The following VPS13B variants were observed in gnomAD, a reference collection of about 807,000 sequenced individuals.
The protein encoded by VPS13B is intermembrane lipid transfer protein VPS13B.
Under a neutral mutation model 426.4 loss-of-function variants are expected in VPS13B, and 285 were observed. The ratio of observed to expected loss-of-function variants is 0.67; its 90% CI spans 0.61 to 0.74. The LOEUF is 0.74. Among genes scored for constraint, VPS13B ranks in the 30% least tolerant of loss-of-function variants. The probability of loss-of-function intolerance (pLI) is 0.00; values close to 1 mark genes in which losing one functional copy is unlikely to be tolerated. For synonymous variants in VPS13B, 1,676 were observed against 1,676.4 expected, an observed-to-expected ratio of 1.00 and a Z score of 0.01; for missense variants, 4,537 against 4,782.6, an observed-to-expected ratio of 0.95 and a Z score of 1.51.
At chr8:99,712,616 C>G (rs1832748753) in intron 36 of VPS13B, among the ~76,000 whole-genome samples, 1 of 152,100 alleles carries the variant, frequency 6.6e-6, no homozygotes, top group Non-Finnish European at 1.5e-5. Context: ...GTCTGGCCGA[C>G]TTTCTCTCTT....
At chr8:99,509,241 T>C (rs888175749) in intron 28 of VPS13B, among the ~76,000 whole-genome samples, 5 of 152,192 alleles carry the variant, frequency 3.3e-5, no homozygotes, top group African/African-American at 1.2e-4. Context: ...GTAGCACTTT[T>C]CTTGCTTTAC....
intron 23 of VPS13B, among the ~76,000 whole-genome samples, chr8:99,448,098 A>G (rs1260831525): frequency 6.6e-6 from 1 of 150,802 alleles, no homozygotes; most frequent in Non-Finnish European, 1.5e-5. Flanking sequence ...ATAAGGTGCT[A>G]TTATATTCTC....
At chr8:99,208,345 A>C (rs1814854660) in intron 17 of VPS13B, among the ~76,000 whole-genome samples, 1 of 152,154 alleles carries the variant, frequency 6.6e-6, no homozygotes, top group Non-Finnish European at 1.5e-5. Flanking sequence ...AACCCATATC[A>C]CATATCATTA....
Position 99,835,300 on chromosome 8 carries a change from A to C in VPS13B, c.9718A>C (p.Met3240Leu), listed in dbSNP as rs763104488. 1 of 1,612,430 alleles carries C rather than the reference A, an allele frequency of 6.2e-7. No homozygotes were observed. Among genetic ancestry groups the C allele is most frequent in the Non-Finnish European group, 8.5e-7 (1 of 1,178,622 alleles). Reference sequence around the variant, plus strand: ...TATCCACAATAGATGTCCAGTAAAAATGCTTATAAAGGAAAACATTAAAGG... The same window carrying C: ...TATCCACAATAGATGTCCAGTAAAACTGCTTATAAAGGAAAACATTAAAGG... Reference protein sequence around the residue: ...VIIHNRCPVKMLIKENIKDIP... With the variant: ...VIIHNRCPVKLLIKENIKDIP... The change falls in exon 53 of 62, where the codon ATG (methionine) becomes CTG (leucine). Residue 3240 changes from methionine (M) to leucine (L), a missense_variant. Physicochemically the swap from Met to Leu is conservative, Grantham distance 15. Around this residue, in one of 2 missense-constraint regions of VPS13B, gnomAD observed 4,311 missense variants for 4,474.3 expected, o/e 0.96. Coordinates refer to ENST00000357162, the MANE Select transcript of VPS13B (RefSeq NM_152564.5).
At position 99,706,157 on chromosome 8, in the gene VPS13B, A is replaced by AACC. The variant is rs562625800; in HGVS notation, c.6454+6241_6454+6243dup. Among the ~76,000 whole-genome samples the AACC allele has an allele frequency of 6.4e-3, 967 of 152,112 alleles. 8 individuals carry two copies. Among genetic ancestry groups the AACC allele is most frequent in the African/African-American group, 0.022 (903 of 41,502 alleles). On this transcript the variant is annotated intron_variant, in intron 36 of 61. Transcript: ENST00000357162. ...AGAACATTGCTGTACCCCCACTTAT[A>AACC]ACCACCACCACCACCACCGCAACCA... is the stretch of plus-strand genomic sequence containing the variant.
chr8:99,819,680 A>G (rs1295348521), intron 48 of VPS13B, 98 bp downstream of exon 48: 1 of 1,372,160 alleles, frequency 7.3e-7, no homozygotes, highest in Admixed American at 2.0e-5. Context: ...GTGTGCATGT[A>G]TCTGTCAGAT....
intron 17 of VPS13B, among the ~76,000 whole-genome samples, chr8:99,217,869 C>T (rs1055148732): frequency 2.0e-5 from 3 of 152,214 alleles, no homozygotes; most frequent in Non-Finnish European, 2.9e-5. Context: ...CAATGCCAGA[C>T]TTGAGTACTT....
intron 58 of VPS13B, among the ~76,000 whole-genome samples, chr8:99,867,725 C>T (rs1817179349): frequency 6.6e-6 from 1 of 152,156 alleles, no homozygotes; most frequent in Non-Finnish European, 1.5e-5. Flanking sequence ...AAGCTCTTAG[C>T]ACAGTCCCCA....
intron 23 of VPS13B, among the ~76,000 whole-genome samples, chr8:99,462,642 A>T (rs918125748): frequency 6.6e-6 from 1 of 152,124 alleles, no homozygotes; most frequent in African/African-American, 2.4e-5. Flanking sequence ...AGCTATACCT[A>T]TATTAATGTT....
chr8:99,516,658 C>G (rs1043840395), intron 29 of VPS13B, among the ~76,000 whole-genome samples: 1 of 151,296 alleles, frequency 6.6e-6, no homozygotes, highest in Non-Finnish European at 1.5e-5. Context: ...CATGGTGGCC[C>G]GGGCTTGTAG....
intron 19 of VPS13B, among the ~76,000 whole-genome samples, chr8:99,332,056 G>C (rs1462651171): frequency 1.3e-5 from 2 of 151,660 alleles, no homozygotes; most frequent in Non-Finnish European, 3.0e-5. Context: ...CAGAAACGTA[G>C]AATAGAGCTT....
chr8:99,637,953 AGTT>A (rs762391193), intron 33 of VPS13B, among the ~76,000 whole-genome samples: 6 of 152,110 alleles, frequency 3.9e-5, no homozygotes, highest in Non-Finnish European at 8.8e-5. Context: ...TTAGATATTT[AGTT>A]TGTAATGCCT....
chr8:99,127,972 ATATGAAGAACATCTAGCC>A, intron 8 of VPS13B, among the ~76,000 whole-genome samples: 1 of 152,306 alleles, frequency 6.6e-6, no homozygotes, highest in South Asian at 2.1e-4. Flanking sequence ...TAATTAATGT[ATATGAAGAACATCTAGCC>A]TCACATAGAT....
chr8:99,793,195 C>T (rs1337527420), intron 43 of VPS13B, among the ~76,000 whole-genome samples: 1 of 146,718 alleles, frequency 6.8e-6, no homozygotes, highest in Non-Finnish European at 1.5e-5. Flanking sequence ...CAGAGCAAGA[C>T]CCTGTCGCCA....
chr8:99,806,777 G>A (rs1339020626), intron 43 of VPS13B, among the ~76,000 whole-genome samples: 1 of 152,144 alleles, frequency 6.6e-6, no homozygotes, highest in Non-Finnish European at 1.5e-5. Flanking sequence ...TACAGTATCT[G>A]TAGCAGTGAA....
At chr8:99,082,786 A>T (rs1182410477) in intron 3 of VPS13B, among the ~76,000 whole-genome samples, 1 of 152,046 alleles carries the variant, frequency 6.6e-6, no homozygotes, top group Non-Finnish European at 1.5e-5. Context: ...ATGTGGCATT[A>T]TTTCTGAGGG....
rs760564015 is a variant in VPS13B, at chr8:99,467,493, A to G, written c.3525A>G (p.Leu1175=). The G allele has an allele frequency of 2.5e-6, 4 of 1,613,656 alleles. No individual in the cohort carries two copies. The highest frequency in any genetic ancestry group is 1.3e-5 in the African/African-American group (1 of 74,866). ...TLLGKQVTLC[L]VEPMGCTSTL... Reference sequence around the variant, plus strand: ...TTGGAAAACAAGTGACACTTTGCCTAGTGGAACCTATGGGTTGCACCTCCA... The same window carrying G: ...TTGGAAAACAAGTGACACTTTGCCTGGTGGAACCTATGGGTTGCACCTCCA... Residue 1175 remains leucine, a synonymous_variant, in exon 24 of 62, where the codon CTA becomes CTG. Coordinates refer to ENST00000357162, the MANE Select transcript of VPS13B (RefSeq NM_152564.5).
In VPS13B at chr8:99,481,803, G is replaced by A. The variant is rs764225649; in HGVS notation, c.3870+1G>A. On this transcript the variant is annotated splice_donor_variant, in intron 25 of 61. Coordinates refer to ENST00000357162, the MANE Select transcript of VPS13B (RefSeq NM_152564.5). LOFTEE classifies it high-confidence loss of function. ...TGCTGACATTGGGACTACTACTGAG[G>A]TAAGTGTTTTTGAAAATCCTGTTAC... 2 of 1,613,656 alleles carry A rather than the reference G, an allele frequency of 1.2e-6. No homozygotes were observed. Among genetic ancestry groups the A allele is most frequent in the Admixed American group, 1.7e-5 (1 of 59,978 alleles).
intron 3 of VPS13B, among the ~76,000 whole-genome samples, chr8:99,063,908 A>G (rs927168653): frequency 6.6e-6 from 1 of 152,206 alleles, no homozygotes; most frequent in African/African-American, 2.4e-5. Context: ...CTGTTGAGCA[A>G]TATTTTCTGT....
Sources: allele counts gnomAD v4.1 joint callset (sites outside exome capture counted in the v4.1 genomes callset), GRCh38; gene constraint gnomAD v4.1.1; regional missense constraint gnomAD v4.1.1; transcripts MANE v1.5; gene names NCBI Gene and HGNC (gene_info 2026-07-23, HGNC 2026-07-21).